GHR: variants seen among roughly 807,000 people sequenced by gnomAD.
The protein encoded by GHR is growth hormone receptor.
Under a neutral mutation model 67.1 loss-of-function variants are expected in GHR, and 35 were observed. The ratio of observed to expected loss-of-function variants is 0.52; its 90% confidence interval spans 0.40 to 0.69. The LOEUF is 0.69. Among genes scored for constraint, GHR ranks in the 30% least tolerant of loss-of-function variants. GHR has a pLI of 0.00. For synonymous variants in GHR, 272 were observed against 269.1 expected, an observed-to-expected ratio of 1.01 and a Z score of -0.10; for missense variants, 792 against 764.6, an observed-to-expected ratio of 1.04 and a Z score of -0.42.
intron 1 of GHR, among the ~76,000 whole-genome samples, chr5:42,534,539 C>T (rs1309167171): frequency 6.7e-6 from 1 of 149,328 alleles, no homozygotes; most frequent in East Asian, 2.0e-4. Context: ...TGTATATATA[C>T]TATAGTTTCT....
chr5:42,448,792 T>G lies in GHR; in HGVS notation c.-12+24837T>G, dbSNP rs539247614. 1.0e-3 allele frequency among the ~76,000 whole-genome samples: 159 copies of G among 152,234 alleles called. No homozygotes were observed. The Middle Eastern group carries it at 0.017, about 16-fold the overall frequency. On this transcript the variant is annotated intron_variant, in intron 1 of 9. Coordinates refer to ENST00000230882, the MANE Select transcript of GHR (RefSeq NM_000163.5). Reference sequence around the variant, plus strand: ...GTTCTAGATTTACATCTTTGGTCCATCCTGAATTGATTTTTATATAAGGTG... The same window carrying G: ...GTTCTAGATTTACATCTTTGGTCCAGCCTGAATTGATTTTTATATAAGGTG...
chr5:42,596,942 C>T (rs1561154785), intron 2 of GHR, among the ~76,000 whole-genome samples: 4 of 152,162 alleles, frequency 2.6e-5, no homozygotes, highest in Admixed American at 2.6e-4. Flanking sequence ...ACCTGTAAGG[C>T]CCATGAGGCT....
chr5:42,568,214 G>T (rs1278471337), intron 2 of GHR, among the ~76,000 whole-genome samples: 1 of 152,212 alleles, frequency 6.6e-6, no homozygotes, highest in East Asian at 1.9e-4. Context: ...AAATATACTG[G>T]CCCTGAAAGG....
At chr5:42,454,507 T>C (rs1175462705) in intron 1 of GHR, among the ~76,000 whole-genome samples, 1 of 152,156 alleles carries the variant, frequency 6.6e-6, no homozygotes, top group Non-Finnish European at 1.5e-5. Context: ...GGGTCTGAGC[T>C]GAGACTCTTC....
intron 3 of GHR, among the ~76,000 whole-genome samples, chr5:42,678,592 A>G (rs914533422): frequency 2.0e-5 from 3 of 152,236 alleles, no homozygotes; most frequent in Non-Finnish European, 2.9e-5. Context: ...AAATAATTTC[A>G]GGAGTAACTT....
chr5:42,431,472 T>C (rs1365843497), intron 1 of GHR, among the ~76,000 whole-genome samples: 1 of 152,180 alleles, frequency 6.6e-6, no homozygotes, highest in East Asian at 1.9e-4. Context: ...TAATTTTACT[T>C]AGTAATGATT....
At chr5:42,575,675 G>A (rs1207503055) in intron 2 of GHR, among the ~76,000 whole-genome samples, 8 of 151,396 alleles carry the variant, frequency 5.3e-5, no homozygotes, top group Admixed American at 2.6e-4. Context: ...GAGGGCAGCC[G>A]ACAGAGAGAC....
intron 1 of GHR, among the ~76,000 whole-genome samples, chr5:42,553,930 A>G (rs1305486571): frequency 6.6e-6 from 1 of 152,178 alleles, no homozygotes; most frequent in East Asian, 1.9e-4. Flanking sequence ...CTGTTGCAAA[A>G]AAGCACATTA....
At chr5:42,431,584 T>A (rs1345651681) in intron 1 of GHR, among the ~76,000 whole-genome samples, 2 of 152,218 alleles carry the variant, frequency 1.3e-5, no homozygotes, top group South Asian at 2.1e-4. Flanking sequence ...GCAGATAACT[T>A]CTTCTACAGA....
chr5:42,689,073 T>C, intron 4 of GHR, 54 bp downstream of exon 4: 1 of 1,467,452 alleles, frequency 6.8e-7, no homozygotes, highest in South Asian at 1.1e-5. Flanking sequence ...CCTACTAAAG[T>C]ACACTGAGTC....
chr5:42,575,543 A>C (rs1296992883), intron 2 of GHR, among the ~76,000 whole-genome samples: 2 of 151,968 alleles, frequency 1.3e-5, no homozygotes, highest in Admixed American at 1.3e-4. Flanking sequence ...GTCTCAGCAG[A>C]TTTTGAGTTG....
At chr5:42,425,731 T>C (rs1742823233) in intron 1 of GHR, among the ~76,000 whole-genome samples, 1 of 152,202 alleles carries the variant, frequency 6.6e-6, no homozygotes, top group Non-Finnish European at 1.5e-5. Flanking sequence ...CTTAAAGAGG[T>C]TGTCCCGTCT....
At chr5:42,568,894 A>G (rs1750104747) in intron 2 of GHR, among the ~76,000 whole-genome samples, 1 of 152,250 alleles carries the variant, frequency 6.6e-6, no homozygotes, top group Non-Finnish European at 1.5e-5. Flanking sequence ...ACCTATGGCT[A>G]TGAGGAATAC....
intron 1 of GHR, among the ~76,000 whole-genome samples, chr5:42,428,974 G>C (rs908568348): frequency 8.5e-5 from 13 of 152,210 alleles, no homozygotes; most frequent in African/African-American, 2.6e-4. Flanking sequence ...ACCTCTGCCT[G>C]TTACCCAGTT....
intron 1 of GHR, among the ~76,000 whole-genome samples, chr5:42,518,203 CTG>C (rs10590736): frequency 6.7e-6 from 1 of 149,378 alleles, no homozygotes; most frequent in East Asian, 1.9e-4. Context: ...ATTAATAATT[CTG>C]TGTGTGTGTG....
At chr5:42,663,724 A>C (rs1392002609) in intron 3 of GHR, among the ~76,000 whole-genome samples, 1 of 152,206 alleles carries the variant, frequency 6.6e-6, no homozygotes, top group Non-Finnish European at 1.5e-5. Context: ...TATTCAACAT[A>C]GTGTTGGAAG....
chr5:42,595,237 A>G (rs1235515554), intron 2 of GHR, among the ~76,000 whole-genome samples: 1 of 152,228 alleles, frequency 6.6e-6, no homozygotes, highest in African/African-American at 2.4e-5. Flanking sequence ...GAAATTTTTT[A>G]TCATAAGTTT....
Position 42,720,299 on chromosome 5 carries a change from A to C in GHR, c.*875A>C, listed in dbSNP as rs1042458504. 2 of 152,252 alleles carry C rather than the reference A, an allele frequency of 1.3e-5. No homozygotes were observed. 9.4% of individuals were successfully genotyped at this position (152,252 alleles called of 1,614,324 possible). ...ACCAGGCACCAAAAGAAGTAAAAGC[A>C]AAAAAGAAAACCTTTCTTCACCAAA... On this transcript the variant is annotated 3_prime_UTR_variant, in exon 10 of 10. Coordinates refer to ENST00000230882, the MANE Select transcript of GHR (RefSeq NM_000163.5).
At chr5:42,604,842 G>A (rs1267287757) in intron 2 of GHR, among the ~76,000 whole-genome samples, 1 of 151,812 alleles carries the variant, frequency 6.6e-6, no homozygotes, top group Non-Finnish European at 1.5e-5. Flanking sequence ...TAAACTCAGT[G>A]AGCATCTTTA....
Sources: allele counts gnomAD v4.1 joint callset (sites outside exome capture counted in the v4.1 genomes callset), GRCh38; gene constraint gnomAD v4.1.1; transcripts MANE v1.5; gene names NCBI Gene and HGNC (gene_info 2026-07-23, HGNC 2026-07-21).